ZFYVE1: variants seen among roughly 807,000 people sequenced by gnomAD.
The protein encoded by ZFYVE1 is zinc finger FYVE-type containing 1.
A neutral mutation model predicts 74.4 loss-of-function variants in ZFYVE1; 30 were observed. That is an observed-to-expected ratio of 0.40 (90% CI 0.30 to 0.55). The LOEUF (loss-of-function observed/expected upper bound fraction) is 0.55, where lower values mean the gene tolerates loss of function less well. ZFYVE1 is among the 20% of genes least tolerant of loss of function. The pLI is 0.42. For missense variants in ZFYVE1, 703 were observed against 1,011.6 expected, an observed-to-expected ratio of 0.69 and a Z score of 4.14; for synonymous variants, 335 against 385.1, an observed-to-expected ratio of 0.87 and a Z score of 1.52.
At chr14:72,986,120 C>CTGGT (rs1341009889) in intron 4 of ZFYVE1, among the ~76,000 whole-genome samples, 1 of 152,188 alleles carries the variant, frequency 6.6e-6, no homozygotes, top group Non-Finnish European at 1.5e-5. Flanking sequence ...CCCAAGTGAC[C>CTGGT]TGGTTCACTT....
intron 10 of ZFYVE1, 88 bp from the exon 11 acceptor site, chr14:72,974,281 T>C (rs1893108973): frequency 8.0e-7 from 1 of 1,253,710 alleles, no homozygotes; most frequent in African/African-American, 1.5e-5. Flanking sequence ...CGCTTCTGGA[T>C]TCTGATCCCA....
intron 11 of ZFYVE1, among the ~76,000 whole-genome samples, chr14:72,971,636 C>G (rs1893037886): frequency 2.0e-5 from 3 of 152,104 alleles, no homozygotes. Context: ...GCCACCACGC[C>G]CTTTCTTTCT....
rs1216865830 is a variant in ZFYVE1 at position 72,974,015 on chromosome 14, C to A, written c.2101+65G>T. ...TTGGCAAGCCTTTACAAAGTGACAG[C>A]CCAGGGCACCTGAAACCCCTCAACC... On this transcript the variant is annotated intron_variant, in intron 11 of 11. Coordinates refer to ENST00000556143, the MANE Select transcript of ZFYVE1 (RefSeq NM_021260.4). The A allele has an allele frequency of 4.8e-6, 7 of 1,457,528 alleles. No individual in the cohort carries two copies. In the East Asian group the frequency reaches 1.6e-4, roughly 33 times the overall value. 90.3% of individuals were successfully genotyped at this position (1,457,528 alleles called of 1,614,324 possible).
At chr14:73,023,160 CAA>C (rs768012600) in intron 2 of ZFYVE1, among the ~76,000 whole-genome samples, 1 of 3,104 alleles carries the variant, frequency 3.2e-4, no homozygotes, top group South Asian at 0.023. Context: ...AATTCCATCT[CAA>C]AAAATATATA....
intron 11 of ZFYVE1, among the ~76,000 whole-genome samples, chr14:72,971,982 G>A (rs1199015559): frequency 6.6e-6 from 1 of 152,190 alleles, no homozygotes; most frequent in African/African-American, 2.4e-5. Context: ...AGCACTTTGG[G>A]AGGCAGAGGC....
intron 4 of ZFYVE1, among the ~76,000 whole-genome samples, chr14:72,988,929 C>CTTTTTTTT (rs34464072): frequency 8.5e-6 from 1 of 118,138 alleles, no homozygotes; most frequent in African/African-American, 3.3e-5. Context: ...GCAATTTCTT[C>CTTTTTTTT]TTTTTTTTTT....
At position 73,024,428 on chromosome 14, in the gene ZFYVE1, A is replaced by G. The variant is rs766659889; in HGVS notation, c.81T>C (p.Thr27=). 1 of 1,614,148 alleles carries G rather than the reference A, an allele frequency of 6.2e-7. No individual in the cohort carries two copies. The highest frequency in any genetic ancestry group is 1.1e-5 in the South Asian group (1 of 91,082). ...CATCACACTCAAAGATAGCTTCATC[A>G]GTCCCGCTGCAAGCGTAACTTTCCT... The part of the protein sequence containing the change: ...MCQESYACSG[T]DEAIFECDEC... The change falls in exon 2 of 12, where the codon ACT becomes ACC. Residue 27 remains threonine (T), a synonymous_variant. Transcript: ENST00000556143.
Position 72,974,174 on chromosome 14 carries a change from C to T in ZFYVE1, c.2007G>A (p.Val669=). The change falls in exon 11 of 12, where the codon GTG becomes GTA. Residue 669 remains valine (V), a synonymous_variant. Coordinates refer to ENST00000556143, the MANE Select transcript of ZFYVE1 (RefSeq NM_021260.4). ...CAATGAGCGTTCCACCTTCATCGTC[C>T]ACTTGTGCCTCGGTAACAGCTGTAG... The part of the protein sequence containing the change: ...NVQLAVTEAQ[V]DDEGGTLIAR... The T allele has an allele frequency of 6.2e-7, 1 of 1,614,106 alleles. No homozygotes were observed. The highest frequency in any genetic ancestry group is 8.5e-7 in the Non-Finnish European group (1 of 1,179,968).
chr14:72,989,413 C>G (rs1893556818), intron 4 of ZFYVE1, among the ~76,000 whole-genome samples: 1 of 151,928 alleles, frequency 6.6e-6, no homozygotes, highest in Non-Finnish European at 1.5e-5. Context: ...TTTCTAGACA[C>G]TTATGTGAGA....
At chr14:73,018,430 C>CA (rs397853346) in intron 2 of ZFYVE1, among the ~76,000 whole-genome samples, 1,832 of 53,000 alleles carry the variant, frequency 0.035, 33 homozygotes, top group African/African-American at 0.062. Flanking sequence ...GACTCCATCT[C>CA]AAAAAAAAAA....
chr14:73,007,889 G>A (rs1305238180), intron 2 of ZFYVE1, among the ~76,000 whole-genome samples: 2 of 152,292 alleles, frequency 1.3e-5, no homozygotes, highest in African/African-American at 4.8e-5. Flanking sequence ...CATGTTGCTA[G>A]AGTTTCACAT....
chr14:73,027,035 G>A lies in ZFYVE1; in HGVS notation c.-544C>T. 2.5e-6 allele frequency: 1 copy of A among 399,068 alleles called. No individual in the cohort carries two copies. Among genetic ancestry groups the A allele is most frequent in the Non-Finnish European group, 4.4e-6 (1 of 226,460 alleles). The allele number at this position is 399,068 out of a possible 1,614,324, so 24.7% of individuals were successfully genotyped here. A position where few individuals can be genotyped will look rare whatever the true frequency, so the allele number is the denominator to read the frequency against. On this transcript the variant is annotated 5_prime_UTR_variant, in exon 1 of 12. Transcript: ENST00000556143. ...CAGATCCATCCTCATCTCCATCTCC[G>A]CCACCCTCCTCCTTCGTTGCCTCCC...
At chr14:73,014,831 C>T (rs1381511038) in intron 2 of ZFYVE1, among the ~76,000 whole-genome samples, 1 of 152,162 alleles carries the variant, frequency 6.6e-6, no homozygotes, top group African/African-American at 2.4e-5. Context: ...CATGAAGCTA[C>T]CCTAGACCAG....
At chr14:73,020,951 C>G (rs1407040418) in intron 2 of ZFYVE1, among the ~76,000 whole-genome samples, 2 of 152,082 alleles carry the variant, frequency 1.3e-5, no homozygotes, top group African/African-American at 4.8e-5. Context: ...CCCGGCTGCT[C>G]TAGAACTCCT....
intron 11 of ZFYVE1, among the ~76,000 whole-genome samples, chr14:72,973,690 T>C (rs540541960): frequency 6.6e-6 from 1 of 152,252 alleles, no homozygotes. Flanking sequence ...ACCCAGCTTG[T>C]AAGTGAGGTC....
chr14:73,006,547 C>G (rs1893984654), intron 2 of ZFYVE1, among the ~76,000 whole-genome samples: 1 of 151,764 alleles, frequency 6.6e-6, no homozygotes, highest in Non-Finnish European at 1.5e-5. Context: ...TGCTCTCCAG[C>G]CTGGCCAACA....
In ZFYVE1 at chr14:72,975,783, G is replaced by C; in HGVS notation, c.1636-62C>G. ...AAGGGAGTGAAAGGAAGGAGGAAGA[G>C]GGATGTTTGGTGAGTTGCACACTCA... On this transcript the variant is annotated intron_variant, in intron 8 of 11. Coordinates refer to ENST00000556143, the MANE Select transcript of ZFYVE1 (RefSeq NM_021260.4). The surrounding 1 kb of genome is among the most constrained non-coding windows in gnomAD (Gnocchi z 4.1). 6.3e-7 allele frequency: 1 copy of C among 1,581,048 alleles called. No individual in the cohort carries two copies.
In ZFYVE1 at chr14:72,975,456, G is replaced by C; in HGVS notation, c.1806+95C>G. On this transcript the variant is annotated intron_variant, in intron 9 of 11. Coordinates refer to ENST00000556143, the MANE Select transcript of ZFYVE1 (RefSeq NM_021260.4). The surrounding 1 kb of genome is among the most constrained non-coding windows in gnomAD (Gnocchi z 4.1). Reference sequence around the variant, plus strand: ...CTCACTGCACTGGCAGAAAATGTTTGCGTCTCCCTCACAGAACAAGCTTAG... The same window carrying C: ...CTCACTGCACTGGCAGAAAATGTTTCCGTCTCCCTCACAGAACAAGCTTAG... 6.8e-7 allele frequency: 1 copy of C among 1,461,776 alleles called. No homozygotes were observed. The allele number at this position is 1,461,776 out of a possible 1,614,324, so 90.6% of individuals were successfully genotyped here.
intron 2 of ZFYVE1, among the ~76,000 whole-genome samples, chr14:73,006,872 T>C (rs1270650308): frequency 6.6e-6 from 1 of 151,598 alleles, no homozygotes; most frequent in Non-Finnish European, 1.5e-5. Context: ...CGTGCCACCA[T>C]ACCTAGGTAA....
Sources: gnomAD v4.1 joint callset for allele counts (sites outside exome capture counted in the v4.1 genomes callset) on GRCh38, gnomAD v4.1.1 for gene constraint, Gnocchi (gnomAD v3.1) non-coding constraint, MANE v1.5 for transcripts, NCBI Gene and HGNC (gene_info 2026-07-23, HGNC 2026-07-21) for gene names.